Variants in ANO3 observed in about 807,000 individuals in gnomAD.
ANO3 encodes the protein anoctamin-3.
In ANO3, 99 loss-of-function variants were observed where a neutral mutation model predicts 144.8. That is an observed-to-expected ratio of 0.68 (90% CI 0.58 to 0.81). The LOEUF is 0.81. ANO3 is among the 30% of genes least tolerant of loss of function. The pLI is 0.00. For synonymous variants in ANO3, 414 were observed against 392.6 expected, an observed-to-expected ratio of 1.05 and a Z score of -0.64; for missense variants, 905 against 1,202.2, an observed-to-expected ratio of 0.75 and a Z score of 3.66.
At chr11:26,240,129 A>C (rs1852630430) in intron 1 of ANO3, among the ~76,000 whole-genome samples, 1 of 152,192 alleles carries the variant, frequency 6.6e-6, no homozygotes, top group Non-Finnish European at 1.5e-5. Context: ...AAATAATAAT[A>C]GTATTCACCT....
chr11:26,434,662 T>A (rs557497270), intron 1 of ANO3, among the ~76,000 whole-genome samples: 9 of 152,332 alleles, frequency 5.9e-5, no homozygotes, highest in Non-Finnish European at 1.2e-4. Flanking sequence ...CTTCCTGATA[T>A]CTGCCTTAAT....
chr11:26,308,888 A>G (rs1319329716), upstream of ANO3, among the ~76,000 whole-genome samples: 1 of 152,174 alleles, frequency 6.6e-6, no homozygotes, highest in Non-Finnish European at 1.5e-5. Context: ...GCCTATGCAC[A>G]TTTTTATTTT....
intron 1 of ANO3, among the ~76,000 whole-genome samples, chr11:26,339,325 T>C (rs1008963594): frequency 1.3e-5 from 2 of 152,054 alleles, no homozygotes; most frequent in Non-Finnish European, 2.9e-5. Context: ...CGCATAATTT[T>C]TGTATTTTTA....
chr11:26,624,134 T>A (rs1852506364), intron 17 of ANO3, among the ~76,000 whole-genome samples: 1 of 152,202 alleles, frequency 6.6e-6, no homozygotes, highest in Non-Finnish European at 1.5e-5. Flanking sequence ...ATTGATTAGC[T>A]GAATGACTTT....
intron 20 of ANO3, among the ~76,000 whole-genome samples, chr11:26,638,873 C>T (rs1310429492): frequency 6.6e-6 from 1 of 152,068 alleles, no homozygotes; most frequent in Admixed American, 6.6e-5. Flanking sequence ...GTGATCATGC[C>T]TAACACAGAG....
At position 26,463,101 on chromosome 11, in the gene ANO3, G is replaced by T. The variant is rs1859474449; in HGVS notation, c.385G>T (p.Asp129Tyr). ...TTATGACCGATCTCGTCTCATTAAT[G>T]ACTTTGTTATCAAAGATAAATCTGA... ...ATYDRSRLIN[D>Y]FVIKDKSEFK... Residue 129 changes from aspartate (D) to tyrosine (Y), a missense_variant, in exon 4 of 27, where the codon GAC (aspartate) becomes TAC (tyrosine). Physicochemically the swap from Asp to Tyr is radical, Grantham distance 160 (BLOSUM62 -3). Transcript: ENST00000256737. 6.3e-7 allele frequency: 1 copy of T among 1,595,090 alleles called. No individual in the cohort carries two copies. The highest frequency in any genetic ancestry group is 1.1e-5 in the South Asian group (1 of 87,602).
chr11:26,337,649 T>C (rs1417068703), intron 1 of ANO3, among the ~76,000 whole-genome samples: 2 of 152,192 alleles, frequency 1.3e-5, no homozygotes, highest in Non-Finnish European at 2.9e-5. Context: ...CTTATAAGTC[T>C]GCAGATGTTT....
chr11:26,647,023 C>G (rs1448005212), intron 23 of ANO3, among the ~76,000 whole-genome samples: 2 of 152,068 alleles, frequency 1.3e-5, no homozygotes, highest in African/African-American at 4.8e-5. Flanking sequence ...ACATAATCAC[C>G]TTTAGTGCTG....
intron 3 of ANO3, among the ~76,000 whole-genome samples, chr11:26,462,306 A>T (rs1198578879): frequency 1.3e-5 from 2 of 151,952 alleles, no homozygotes; most frequent in East Asian, 3.9e-4. Flanking sequence ...AGATATTTAT[A>T]TCACATGGAA....
At chr11:26,324,529 T>G (rs1262783634) in intron 1 of ANO3, among the ~76,000 whole-genome samples, 1 of 152,214 alleles carries the variant, frequency 6.6e-6, no homozygotes, top group African/African-American at 2.4e-5. Flanking sequence ...TATACACTTT[T>G]AAAAATGAGC....
intron 1 of ANO3, among the ~76,000 whole-genome samples, chr11:26,404,147 G>A (rs75796090): frequency 0.028 from 4,220 of 151,864 alleles, 60 homozygotes; most frequent in East Asian, 0.11. Flanking sequence ...CTCTTGATAC[G>A]ATAGGATGAG....
chr11:26,613,332 G>C (rs1852154773), intron 17 of ANO3, among the ~76,000 whole-genome samples: 1 of 152,100 alleles, frequency 6.6e-6, no homozygotes, highest in South Asian at 2.1e-4. Context: ...CAAGATTTCT[G>C]TTTGGTTCTT....
chr11:26,284,745 A>G (rs2133847622), intron 1 of ANO3, among the ~76,000 whole-genome samples: 2 of 150,992 alleles, frequency 1.3e-5, no homozygotes, highest in East Asian at 3.9e-4. Context: ...TAAAAAAAAA[A>G]TACAAAAAAA....
At chr11:26,285,110 A>G (rs572846496) in intron 1 of ANO3, among the ~76,000 whole-genome samples, 19 of 146,952 alleles carry the variant, frequency 1.3e-4, no homozygotes, top group East Asian at 4.1e-4. Flanking sequence ...TTTTTTTTTA[A>G]TTATGGTAAG....
rs148725017 is a variant in ANO3, at chr11:26,322,866, A to T, written c.-3+13147A>T. Among the ~76,000 whole-genome samples the T allele has an allele frequency of 5.3e-3, 803 of 152,132 alleles. 7 individuals carry two copies. Among genetic ancestry groups the T allele is most frequent in the Middle Eastern group, 0.014 (4 of 294 alleles). ...TTATGCTTCTCCTCTTTTAGGGTAG[A>T]GTGGTTACGTCATTTATTTGGAATT... is the stretch of plus-strand genomic sequence containing the variant. On this transcript the variant is annotated intron_variant, in intron 1 of 26. Transcript: ENST00000525139.
intron 1 of ANO3, among the ~76,000 whole-genome samples, chr11:26,257,913 T>G (rs1853096588): frequency 6.6e-6 from 1 of 152,080 alleles, no homozygotes; most frequent in African/African-American, 2.4e-5. Flanking sequence ...GAAATAAAAT[T>G]TATACTACAG....
chr11:26,431,933 G>A (rs533227244), intron 1 of ANO3, among the ~76,000 whole-genome samples: 13 of 152,212 alleles, frequency 8.5e-5, no homozygotes, highest in East Asian at 1.9e-4. Context: ...TAATGAGATC[G>A]CTGGTTTGAA....
intron 1 of ANO3, among the ~76,000 whole-genome samples, chr11:26,351,784 A>C (rs1236685103): frequency 6.6e-6 from 1 of 152,214 alleles, no homozygotes; most frequent in African/African-American, 2.4e-5. Flanking sequence ...GTTACAGTTC[A>C]CTATGTATGG....
At chr11:26,322,750 C>T (rs1212703637) in intron 1 of ANO3, among the ~76,000 whole-genome samples, 1 of 152,028 alleles carries the variant, frequency 6.6e-6, no homozygotes, top group African/African-American at 2.4e-5. Flanking sequence ...TATCAGGTTT[C>T]TCTACTGTAA....
Sources: allele counts gnomAD v4.1 joint callset (sites outside exome capture counted in the v4.1 genomes callset), GRCh38; gene constraint gnomAD v4.1.1; transcripts MANE v1.5; gene names NCBI Gene and HGNC (gene_info 2026-07-23, HGNC 2026-07-21).